The following UNC5D variants were observed in gnomAD, a reference collection of about 807,000 sequenced individuals.
UNC5D encodes unc-5 netrin receptor D.
Under a neutral mutation model 105.4 loss-of-function variants are expected in UNC5D, and 39 were observed. The observed-to-expected ratio is 0.37, with a 90% confidence interval of 0.29 to 0.48. The LOEUF (loss-of-function observed/expected upper bound fraction) is 0.48, where lower values mean the gene tolerates loss of function less well. Among genes scored for constraint, UNC5D ranks in the 20% least tolerant of loss-of-function variants. The probability of loss-of-function intolerance (pLI) is 0.98; values close to 1 mark genes in which losing one functional copy is unlikely to be tolerated. For synonymous variants in UNC5D, 452 were observed against 450.4 expected (o/e 1.00, Z -0.04); for missense variants, 991 against 1,202.4 (o/e 0.82, Z 2.60).
intron 14 of UNC5D, among the ~76,000 whole-genome samples, chr8:35,761,126 T>C (rs1022087094): frequency 8.5e-5 from 13 of 152,196 alleles, no homozygotes; most frequent in African/African-American, 3.1e-4. Context: ...TTGTTTATGA[T>C]ATTCAAGATG....
chr8:35,687,555 A>G (rs1826098863), intron 7 of UNC5D, among the ~76,000 whole-genome samples: 1 of 152,130 alleles, frequency 6.6e-6, no homozygotes, highest in Non-Finnish European at 1.5e-5. Context: ...TTGTTTCAAA[A>G]TTCCCAAGTC....
At chr8:35,526,937 C>T (rs1813917727) in intron 1 of UNC5D, among the ~76,000 whole-genome samples, 1 of 152,174 alleles carries the variant, frequency 6.6e-6, no homozygotes, top group South Asian at 2.1e-4. Context: ...GTGTAAATGA[C>T]TGTTTGTATC....
chr8:35,649,225 G>C (rs982806562), intron 4 of UNC5D, among the ~76,000 whole-genome samples: 1 of 152,192 alleles, frequency 6.6e-6, no homozygotes, highest in African/African-American at 2.4e-5. Context: ...AAGGGAAGTT[G>C]CGTACCTTCA....
At chr8:35,606,955 T>A (rs1032285721) in intron 4 of UNC5D, among the ~76,000 whole-genome samples, 1 of 152,160 alleles carries the variant, frequency 6.6e-6, no homozygotes, top group Non-Finnish European at 1.5e-5. Context: ...TGTTCAGTTA[T>A]TTAGAGGCTG....
At chr8:35,354,138 A>G (rs1214791431) in intron 1 of UNC5D, among the ~76,000 whole-genome samples, 1 of 152,150 alleles carries the variant, frequency 6.6e-6, no homozygotes, top group Non-Finnish European at 1.5e-5. Context: ...ACACAGGAAA[A>G]TTTATTGGAA....
rs562327791 is a variant in UNC5D, at chr8:35,791,036, C to A, written c.*473C>A. 7.0e-5 allele frequency: 13 copies of A among 186,462 alleles called. No individual in the cohort carries two copies. In the East Asian group the frequency reaches 1.6e-3, roughly 23 times the overall value. The allele number at this position is 186,462 out of a possible 1,614,324, so 11.6% of individuals were successfully genotyped here. On this transcript the variant is annotated 3_prime_UTR_variant, in exon 17 of 17. Transcript: ENST00000404895. ...GTAAAAATGGCTTTTAGACGTGAAACAGGGTTGCCAACCCATTTGTATGAC... is the reference window on the plus strand; with the variant it reads ...GTAAAAATGGCTTTTAGACGTGAAAAAGGGTTGCCAACCCATTTGTATGAC...
chr8:35,684,841 T>C, intron 6 of UNC5D, 92 bp downstream of exon 6: 1 of 1,442,034 alleles, frequency 6.9e-7, no homozygotes, highest in African/African-American at 1.4e-5. Flanking sequence ...TTTCCAAAGT[T>C]ACCCTCTCCC....
chr8:35,568,054 A>G (rs1247057557), intron 2 of UNC5D, 44 bp from the exon 3 acceptor site: 2 of 1,600,906 alleles, frequency 1.2e-6, no homozygotes, highest in Non-Finnish European at 1.7e-6. Context: ...TTTGAGAAAT[A>G]TAACAGCCTC....
At chr8:35,346,910 T>G (rs1811844939) in intron 1 of UNC5D, among the ~76,000 whole-genome samples, 1 of 152,024 alleles carries the variant, frequency 6.6e-6, no homozygotes, top group Admixed American at 6.6e-5. Flanking sequence ...TTTCCCTTTT[T>G]GTTTGGGTTT....
chr8:35,769,337 T>A (rs1801907367), intron 15 of UNC5D, among the ~76,000 whole-genome samples: 1 of 152,186 alleles, frequency 6.6e-6, no homozygotes, highest in Non-Finnish European at 1.5e-5. Flanking sequence ...GTCAAGGCCA[T>A]CTAATGGATT....
chr8:35,424,327 A>T (rs1259589159), intron 1 of UNC5D, among the ~76,000 whole-genome samples: 1 of 152,228 alleles, frequency 6.6e-6, no homozygotes, highest in Non-Finnish European at 1.5e-5. Context: ...ATATATGCAA[A>T]ATATCATTTC....
At chr8:35,587,603 T>G (rs1191593436) in intron 3 of UNC5D, among the ~76,000 whole-genome samples, 1 of 152,084 alleles carries the variant, frequency 6.6e-6, no homozygotes, top group African/African-American at 2.4e-5. Flanking sequence ...AAAATAAAAT[T>G]AGAGAAGGGT....
intron 4 of UNC5D, among the ~76,000 whole-genome samples, chr8:35,600,437 T>C (rs1177853992): frequency 1.3e-5 from 2 of 152,216 alleles, no homozygotes; most frequent in African/African-American, 2.4e-5. Flanking sequence ...AAACTGTTCC[T>C]ATTTCTCCAC....
intron 6 of UNC5D, among the ~76,000 whole-genome samples, chr8:35,685,582 C>G (rs1825953352): frequency 6.6e-6 from 1 of 152,110 alleles, no homozygotes; most frequent in South Asian, 2.1e-4. Context: ...CTTGGAGTTT[C>G]ATTTTGGACT....
chr8:35,459,651 A>C (rs1808751059), intron 1 of UNC5D, among the ~76,000 whole-genome samples: 1 of 152,194 alleles, frequency 6.6e-6, no homozygotes, highest in Non-Finnish European at 1.5e-5. Flanking sequence ...CACCATCACC[A>C]ATGCATTATT....
intron 1 of UNC5D, among the ~76,000 whole-genome samples, chr8:35,477,690 C>T (rs998765655): frequency 2.6e-5 from 4 of 152,108 alleles, no homozygotes; most frequent in Middle Eastern, 3.4e-3. Flanking sequence ...TCTAGAGTCT[C>T]GTGGCCCCTG....
chr8:35,358,994 A>G (rs1353985952), intron 1 of UNC5D, among the ~76,000 whole-genome samples: 1 of 152,134 alleles, frequency 6.6e-6, no homozygotes, highest in African/African-American at 2.4e-5. Context: ...CATAGAGACT[A>G]TAAACCTTGG....
chr8:35,245,479 A>C (rs935792446), intron 1 of UNC5D, among the ~76,000 whole-genome samples: 1 of 152,122 alleles, frequency 6.6e-6, no homozygotes, highest in Non-Finnish European at 1.5e-5. Context: ...GAGGTTTCCA[A>C]AGTTGTTTCT....
At chr8:35,373,835 T>C (rs1313420845) in intron 1 of UNC5D, among the ~76,000 whole-genome samples, 1 of 152,186 alleles carries the variant, frequency 6.6e-6, no homozygotes, top group African/African-American at 2.4e-5. Context: ...AAAATGGTGT[T>C]GATAGACACT....
Sources: gnomAD v4.1 joint callset for allele counts (sites outside exome capture counted in the v4.1 genomes callset) on GRCh38, gnomAD v4.1.1 for gene constraint, MANE v1.5 for transcripts, NCBI Gene and HGNC (gene_info 2026-07-23, HGNC 2026-07-21) for gene names.